ZNF385D: variants seen among roughly 807,000 people sequenced by gnomAD.
ZNF385D encodes zinc finger protein 659.
ZNF385D carries 15 observed loss-of-function variants against 35.8 expected under a neutral mutation model. The ratio of observed to expected loss-of-function variants is 0.42; its 90% confidence interval spans 0.28 to 0.64. ZNF385D has a LOEUF of 0.64. Ranked by LOEUF, ZNF385D falls within the 30% of genes least tolerant of loss-of-function variation. The pLI, the probability that ZNF385D is intolerant of heterozygous loss-of-function variation, is 0.23. For missense variants in ZNF385D, 474 were observed against 494.6 expected, an observed-to-expected ratio of 0.96 and a Z score of 0.39; for synonymous variants, 212 against 186.8, an observed-to-expected ratio of 1.13 and a Z score of -1.10.
intron 3 of ZNF385D, among the ~76,000 whole-genome samples, chr3:22,011,756 T>C (rs1696587391): frequency 6.6e-6 from 1 of 152,132 alleles, no homozygotes; most frequent in Admixed American, 6.5e-5. Context: ...CCCATTTAAG[T>C]TACTGAGATA....
At chr3:22,337,394 C>G (rs558590020) in intron 2 of ZNF385D, among the ~76,000 whole-genome samples, 7 of 151,946 alleles carry the variant, frequency 4.6e-5, no homozygotes, top group Non-Finnish European at 7.4e-5. Flanking sequence ...TTTAGCTTGG[C>G]GTGGTGGCGC....
intron 1 of ZNF385D, among the ~76,000 whole-genome samples, chr3:21,702,285 A>G (rs1378321008): frequency 1.3e-5 from 2 of 152,196 alleles, no homozygotes; most frequent in Non-Finnish European, 2.9e-5. Context: ...GAAGCCCCTA[A>G]GGCTTGGGGC....
chr3:21,908,090 C>G (rs911607793), intron 3 of ZNF385D, among the ~76,000 whole-genome samples: 2 of 151,548 alleles, frequency 1.3e-5, no homozygotes, highest in Non-Finnish European at 2.9e-5. Context: ...TATTTATTTT[C>G]TCTCTATATC....
At chr3:21,515,748 C>T (rs577303067) in intron 3 of ZNF385D, among the ~76,000 whole-genome samples, 1 of 152,112 alleles carries the variant, frequency 6.6e-6, no homozygotes, top group Non-Finnish European at 1.5e-5. Flanking sequence ...AAAATTGATC[C>T]CCACCTTGTT....
intron 3 of ZNF385D, among the ~76,000 whole-genome samples, chr3:22,122,245 A>G (rs556962868): frequency 6.6e-6 from 1 of 152,222 alleles, no homozygotes; most frequent in African/African-American, 2.4e-5. Flanking sequence ...GCTCTTACTA[A>G]TTGAAGCTTG....
At chr3:22,357,834 A>G (rs970611450) in intron 2 of ZNF385D, among the ~76,000 whole-genome samples, 1 of 151,954 alleles carries the variant, frequency 6.6e-6, no homozygotes, top group Non-Finnish European at 1.5e-5. Context: ...GCCACAGCCA[A>G]TAACATAACT....
intron 2 of ZNF385D, among the ~76,000 whole-genome samples, chr3:22,271,292 T>A (rs1429812508): frequency 6.6e-6 from 1 of 151,924 alleles, no homozygotes; most frequent in African/African-American, 2.4e-5. Context: ...GGCAGAGATA[T>A]AGAAGAAAAA....
intron 3 of ZNF385D, among the ~76,000 whole-genome samples, chr3:22,144,031 AAGAC>A (rs1227903922): frequency 2.0e-5 from 3 of 151,642 alleles, no homozygotes; most frequent in African/African-American, 2.4e-5. Flanking sequence ...ATTTTATAGA[AAGAC>A]TGACTGAAGA....
chr3:22,091,684 C>T (rs938315948), intron 3 of ZNF385D, among the ~76,000 whole-genome samples: 2 of 152,164 alleles, frequency 1.3e-5, no homozygotes, highest in African/African-American at 2.4e-5. Context: ...GACACAGAGC[C>T]CCCCGACTGA....
chr3:21,810,373 C>T (rs1157689029), intron 3 of ZNF385D, among the ~76,000 whole-genome samples: 6 of 102,734 alleles, frequency 5.8e-5, no homozygotes, highest in Non-Finnish European at 9.8e-5. Context: ...TGGGGCCTGT[C>T]GGGGGTGGGG....
intron 4 of ZNF385D, among the ~76,000 whole-genome samples, chr3:21,455,379 A>C (rs1289790542): frequency 4.6e-5 from 7 of 152,246 alleles, no homozygotes; most frequent in African/African-American, 1.7e-4. Context: ...TACTGGTACC[A>C]AAACAGAGAC....
intron 1 of ZNF385D, among the ~76,000 whole-genome samples, chr3:21,713,199 G>C (rs2068181202): frequency 6.6e-6 from 1 of 152,146 alleles, no homozygotes; most frequent in Non-Finnish European, 1.5e-5. Context: ...AACCTCAAAG[G>C]AAGTGCAAAG....
At chr3:21,687,022 C>T (rs1444969711) in intron 1 of ZNF385D, among the ~76,000 whole-genome samples, 1 of 152,174 alleles carries the variant, frequency 6.6e-6, no homozygotes, top group Non-Finnish European at 1.5e-5. Flanking sequence ...CATGTGCTTT[C>T]CAGAGCCCAG....
At position 22,364,850 on chromosome 3, in the gene ZNF385D, G is replaced by A. The variant is rs114597952; in HGVS notation, c.106+7600C>T. On this transcript the variant is annotated intron_variant, in intron 2 of 5. Transcript: ENST00000494108. ...CAACAGCTAAACAAAAGCAATCTAA[G>A]TGTCTATGGACAGTTGACAAGAAAT... Among the ~76,000 whole-genome samples the A allele has an allele frequency of 7.2e-3, 1,090 of 152,172 alleles. 21 individuals are homozygous for A. The highest frequency in any genetic ancestry group is 0.025 in the African/African-American group (1,018 of 41,528).
intron 2 of ZNF385D, among the ~76,000 whole-genome samples, chr3:22,298,451 T>C (rs1702718961): frequency 7.8e-6 from 1 of 128,022 alleles, no homozygotes; most frequent in African/African-American, 2.7e-5. Context: ...CATAAAATAT[T>C]TATATATAAT....
At chr3:21,634,916 A>G (rs1226179589) in intron 2 of ZNF385D, among the ~76,000 whole-genome samples, 2 of 152,078 alleles carry the variant, frequency 1.3e-5, no homozygotes, top group African/African-American at 4.8e-5. Context: ...ATGTGAGTCA[A>G]GCAAATGAAT....
intron 5 of ZNF385D, among the ~76,000 whole-genome samples, chr3:21,435,198 C>T (rs1168901180): frequency 1.3e-5 from 2 of 151,346 alleles, no homozygotes; most frequent in Non-Finnish European, 2.9e-5. Flanking sequence ...ACAAGTAATT[C>T]CTTCTTTGTT....
intron 3 of ZNF385D, among the ~76,000 whole-genome samples, chr3:22,056,727 A>G (rs1021022353): frequency 4.6e-5 from 7 of 152,256 alleles, no homozygotes; most frequent in African/African-American, 7.2e-5. Context: ...TCAGTGGATT[A>G]AAACAATTGC....
rs61528907 is a variant in ZNF385D, at chr3:21,960,203, T to TACACACACACACACACACACACAC, written c.325+208613_325+208614insGTGTGTGTGTGTGTGTGTGTGTGT. 6.2e-3 allele frequency among the ~76,000 whole-genome samples: 921 copies of TACACACACACACACACACACACAC among 149,456 alleles called. 2 individuals are homozygous for TACACACACACACACACACACACAC. Among genetic ancestry groups the TACACACACACACACACACACACAC allele is most frequent in the South Asian group, 9.0e-3 (42 of 4,674 alleles). On this transcript the variant is annotated intron_variant, in intron 3 of 5. Transcript: ENST00000494108. ...AAGAAACTCAACAACTAAACAGCAATACACACACACACCCTCCCCAACACA... is the reference window on the plus strand; with the variant it reads ...AAGAAACTCAACAACTAAACAGCAATACACACACACACACACACACACACACACACACACACCCTCCCCAACACA...
Sources: gnomAD v4.1 joint callset for allele counts (sites outside exome capture counted in the v4.1 genomes callset) on GRCh38, gnomAD v4.1.1 for gene constraint, MANE v1.5 for transcripts, NCBI Gene and HGNC (gene_info 2026-07-23, HGNC 2026-07-21) for gene names.